The following GPRC5A variants were observed in gnomAD, a reference collection of about 807,000 sequenced individuals.
The protein encoded by GPRC5A is G protein-coupled receptor class C group 5 member A.
A neutral mutation model predicts 22.5 loss-of-function variants in GPRC5A; 19 were observed. The ratio of observed to expected loss-of-function variants is 0.85; its 90% confidence interval spans 0.59 to 1.24. The LOEUF is 1.24. GPRC5A is among the 50% of genes most tolerant of loss of function. The probability of loss-of-function intolerance (pLI) is 0.00; values close to 1 mark genes in which losing one functional copy is unlikely to be tolerated. For synonymous variants in GPRC5A, 192 were observed against 184.5 expected, an observed-to-expected ratio of 1.04 and a Z score of -0.33; for missense variants, 471 against 451.1, an observed-to-expected ratio of 1.04 and a Z score of -0.40.
chr12:12,914,558 T>TTCTA lies in GPRC5A; in HGVS notation c.*2022_*2023insATCT. The TTCTA allele has an allele frequency of 1.7e-5, 1 of 58,676 alleles. No homozygotes were observed. Among genetic ancestry groups the TTCTA allele is most frequent in the Non-Finnish European group, 3.0e-5 (1 of 33,350 alleles). The allele number at this position is 58,676 out of a possible 1,614,324, so 3.6% of individuals were successfully genotyped here. On this transcript the variant is annotated 3_prime_UTR_variant, in exon 4 of 4. Coordinates refer to ENST00000014914, the MANE Select transcript of GPRC5A (RefSeq NM_003979.4). ...CTTCCTTCCTTCCTTTCTTCTTTCTTTCTTTCTTTCTTTCTTTCTTTCTTT... is the reference window on the plus strand; with the variant it reads ...CTTCCTTCCTTCCTTTCTTCTTTCTTTCTATCTTTCTTTCTTTCTTTCTTTCTTT...
At chr12:12,902,984 T>C (rs1847408792) in intron 1 of GPRC5A, among the ~76,000 whole-genome samples, 1 of 152,128 alleles carries the variant, frequency 6.6e-6, no homozygotes, top group Non-Finnish European at 1.5e-5. Flanking sequence ...GGAGAACCGC[T>C]TGAACCTGGG....
At position 12,916,442 on chromosome 12, in the gene GPRC5A, CCT is replaced by C. The variant is rs374488160; in HGVS notation, c.*3907_*3908del. On this transcript the variant is annotated 3_prime_UTR_variant, in exon 4 of 4. Coordinates refer to ENST00000014914, the MANE Select transcript of GPRC5A (RefSeq NM_003979.4). The stretch of plus-strand genomic sequence containing the variant: ...ACACTTCAGGCATCAACCCTCATGG[CCT>C]CTCAGCCTTGCAAAGGCAGCCACTT... The C allele has an allele frequency of 6.6e-6, 1 of 152,242 alleles. No individual in the cohort carries two copies. Among genetic ancestry groups the C allele is most frequent in the Non-Finnish European group, 1.5e-5 (1 of 68,058 alleles). The allele number at this position is 152,242 out of a possible 1,614,324, so 9.4% of individuals were successfully genotyped here. A position where few individuals can be genotyped will look rare whatever the true frequency, so the allele number is the denominator to read the frequency against.
chr12:12,901,274 G>T (rs1230204018), intron 1 of GPRC5A, among the ~76,000 whole-genome samples: 1 of 152,138 alleles, frequency 6.6e-6, no homozygotes, highest in Non-Finnish European at 1.5e-5. Flanking sequence ...AAAACCTCAG[G>T]ATTCATGCTT....
At chr12:12,892,568 T>C (rs756549301) in intron 1 of GPRC5A, among the ~76,000 whole-genome samples, 4 of 152,108 alleles carry the variant, frequency 2.6e-5, no homozygotes, top group Non-Finnish European at 4.4e-5. Context: ...GGTTTCCCCA[T>C]GTTGGTCAGG....
At chr12:12,898,633 A>C (rs946676618) in intron 1 of GPRC5A, among the ~76,000 whole-genome samples, 1 of 152,214 alleles carries the variant, frequency 6.6e-6, no homozygotes, top group African/African-American at 2.4e-5. Context: ...GGATAGCTCC[A>C]CGTGCAGGTC....
At chr12:12,910,290 G>A (rs1310114456) in intron 2 of GPRC5A, among the ~76,000 whole-genome samples, 2 of 152,160 alleles carry the variant, frequency 1.3e-5, no homozygotes, top group African/African-American at 4.8e-5. Flanking sequence ...AGTCTGAAGG[G>A]AGGCGGAGGA....
chr12:12,898,532 A>G (rs1178713447), intron 1 of GPRC5A, among the ~76,000 whole-genome samples: 1 of 152,034 alleles, frequency 6.6e-6, no homozygotes, highest in African/African-American at 2.4e-5. Context: ...ACTTTGTCTC[A>G]AAAGAAAAAA....
At position 12,908,700 on chromosome 12, in the gene GPRC5A, G is replaced by A. The variant is rs774439445; in HGVS notation, c.451G>A (p.Glu151Lys). 1.9e-6 allele frequency: 3 copies of A among 1,614,062 alleles called. No individual in the cohort carries two copies. The South Asian group carries it at 3.3e-5, about 18-fold the overall frequency. The change falls in exon 2 of 4, where the codon GAA becomes AAA. Residue 151 changes from glutamate (E) to lysine (K), a missense_variant. Glu to Lys is a moderately conservative substitution (Grantham distance 56). Coordinates refer to ENST00000014914, the MANE Select transcript of GPRC5A (RefSeq NM_003979.4). ...CCTAGTCCAGGATGTTATCGCTATT[G>A]AATATATTGTCCTGACCATGAATAG... ...FSLVQDVIAI[E>K]YIVLTMNRTN...
At chr12:12,904,293 C>G (rs896766384) in intron 1 of GPRC5A, among the ~76,000 whole-genome samples, 8 of 152,196 alleles carry the variant, frequency 5.3e-5, no homozygotes, top group Non-Finnish European at 1.5e-5. Context: ...GCTTGGATTG[C>G]AGGGGCTGTC....
rs1000855250 is a variant in GPRC5A, at chr12:12,917,371, A to G, written c.*4832A>G. ...TTTAGAGTTTGAGAAGGTCACAGAA[A>G]TCCTCTAGTTGGTGCCTCCACAGTC... On this transcript the variant is annotated 3_prime_UTR_variant, in exon 4 of 4. Transcript: ENST00000014914. The G allele has an allele frequency of 6.6e-6, 1 of 152,048 alleles. No homozygotes were observed. Among genetic ancestry groups the G allele is most frequent in the African/African-American group, 2.4e-5 (1 of 41,402 alleles). The allele number at this position is 152,048 out of a possible 1,614,324, so 9.4% of individuals were successfully genotyped here. A position where few individuals can be genotyped will look rare whatever the true frequency, so the allele number is the denominator to read the frequency against.
chr12:12,901,762 C>CAAAAAAAA (rs34748296), intron 1 of GPRC5A, among the ~76,000 whole-genome samples: 1 of 85,676 alleles, frequency 1.2e-5, no homozygotes, highest in Non-Finnish European at 2.5e-5. Context: ...ACTTGGGCAT[C>CAAAAAAAA]AAAAAAAAAA....
Position 12,915,961 on chromosome 12 carries a change from C to T in GPRC5A, c.*3422C>T, listed in dbSNP as rs1186051576. 1 of 467,516 alleles carries T rather than the reference C, an allele frequency of 2.1e-6. No individual in the cohort carries two copies. Among genetic ancestry groups the T allele is most frequent in the Admixed American group, 2.4e-5 (1 of 41,290 alleles). The allele number at this position is 467,516 out of a possible 1,614,324, so 29.0% of individuals were successfully genotyped here. A position where few individuals can be genotyped will look rare whatever the true frequency, so the allele number is the denominator to read the frequency against. On this transcript the variant is annotated 3_prime_UTR_variant, in exon 4 of 4. Coordinates refer to ENST00000014914, the MANE Select transcript of GPRC5A (RefSeq NM_003979.4). Reference sequence around the variant, plus strand: ...GTCACCCCTCCTCCCACTGCTGCGGCTGTTAACTCATCTTCAGGTCTCACA... The same window carrying T: ...GTCACCCCTCCTCCCACTGCTGCGGTTGTTAACTCATCTTCAGGTCTCACA...
At chr12:12,899,329 G>A (rs1863857161) in intron 1 of GPRC5A, among the ~76,000 whole-genome samples, 1 of 152,140 alleles carries the variant, frequency 6.6e-6, no homozygotes, top group South Asian at 2.1e-4. Context: ...GTAAGCTACT[G>A]CCCCCGGCCA....
At chr12:12,899,062 T>A (rs1187952354) in intron 1 of GPRC5A, among the ~76,000 whole-genome samples, 4 of 152,116 alleles carry the variant, frequency 2.6e-5, no homozygotes, top group Admixed American at 2.6e-4. Context: ...AGGGTCTCAC[T>A]CTGTTGCCCA....
intron 1 of GPRC5A, among the ~76,000 whole-genome samples, chr12:12,899,190 G>C (rs1477718907): frequency 6.6e-6 from 1 of 152,014 alleles, no homozygotes; most frequent in Non-Finnish European, 1.5e-5. Flanking sequence ...GGCTAAATTA[G>C]CACCCGGCTA....
intron 1 of GPRC5A, among the ~76,000 whole-genome samples, chr12:12,902,110 C>T (rs1224339355): frequency 2.6e-5 from 4 of 152,120 alleles, no homozygotes. Flanking sequence ...GGTGTCTTTC[C>T]CTTACCTGGG....
At chr12:12,898,126 G>A (rs1175285156) in intron 1 of GPRC5A, among the ~76,000 whole-genome samples, 1 of 152,162 alleles carries the variant, frequency 6.6e-6, no homozygotes, top group Non-Finnish European at 1.5e-5. Context: ...GTGTCAAGGA[G>A]CCTGGCTTTT....
In GPRC5A at chr12:12,914,549, C is replaced by CTTCCTTTCTTTCTTTCTTTCT. The variant is rs58381355; in HGVS notation, c.*2013_*2014insCTTTCTTTCTTTCTTTCTTTC. ...CTCTCTTTCCTTCCTTCCTTCCTTT[C>CTTCCTTTCTTTCTTTCTTTCT]TTCTTTCTTTCTTTCTTTCTTTCTT... On this transcript the variant is annotated 3_prime_UTR_variant, in exon 4 of 4. Coordinates refer to ENST00000014914, the MANE Select transcript of GPRC5A (RefSeq NM_003979.4). The CTTCCTTTCTTTCTTTCTTTCT allele has an allele frequency of 2.0e-5, 1 of 50,532 alleles. No individual in the cohort carries two copies. Among genetic ancestry groups the CTTCCTTTCTTTCTTTCTTTCT allele is most frequent in the African/African-American group, 9.9e-5 (1 of 10,110 alleles). The allele number at this position is 50,532 out of a possible 1,614,324, so 3.1% of individuals were successfully genotyped here.
chr12:12,898,934 C>T (rs1379109294), intron 1 of GPRC5A, among the ~76,000 whole-genome samples: 2 of 152,086 alleles, frequency 1.3e-5, no homozygotes, highest in Admixed American at 6.5e-5. Context: ...TTCCATGTGC[C>T]CTCAGCATTC....
Sources: allele counts gnomAD v4.1 joint callset (sites outside exome capture counted in the v4.1 genomes callset), GRCh38; gene constraint gnomAD v4.1.1; transcripts MANE v1.5; gene names NCBI Gene and HGNC (gene_info 2026-07-23, HGNC 2026-07-21).